BTN3A3: variants seen among roughly 807,000 people sequenced by gnomAD.
The protein encoded by BTN3A3 is butyrophilin subfamily 3 member A3.
A neutral mutation model predicts 43.2 loss-of-function variants in BTN3A3; 39 were observed. That is an observed-to-expected ratio of 0.90 (90% CI 0.70 to 1.18). The LOEUF (loss-of-function observed/expected upper bound fraction) is 1.18, where lower values mean the gene tolerates loss of function less well. Among genes scored for constraint, BTN3A3 ranks in the 50% most tolerant of loss-of-function variants. The probability of loss-of-function intolerance (pLI) is 0.00; values close to 1 mark genes in which losing one functional copy is unlikely to be tolerated. For synonymous variants in BTN3A3, 255 were observed against 272.7 expected (o/e 0.93, Z 0.64); for missense variants, 631 against 722.8 (o/e 0.87, Z 1.46).
chr6:26,441,354 C>T (rs902712897), intron 1 of BTN3A3, among the ~76,000 whole-genome samples: 2 of 152,262 alleles, frequency 1.3e-5, no homozygotes, highest in Non-Finnish European at 2.9e-5. Context: ...TTTCAATGGA[C>T]ACAATCTATT....
At chr6:26,446,727 T>G (rs1368445447) in intron 5 of BTN3A3, among the ~76,000 whole-genome samples, 1 of 152,148 alleles carries the variant, frequency 6.6e-6, no homozygotes, top group Non-Finnish European at 1.5e-5. Flanking sequence ...TTTTTTTGTT[T>G]GTTTGTTTGT....
rs757218314 is a variant in BTN3A3, at chr6:26,448,804, C to G, written c.964+50C>G. On this transcript the variant is annotated intron_variant, in intron 8 of 10. Transcript: ENST00000244519. ...GAATTTGAATCTTGAATCTATGACTCTCTTCTGCTTGGAAATTTTCCAGCC... is the reference window on the plus strand; with the variant it reads ...GAATTTGAATCTTGAATCTATGACTGTCTTCTGCTTGGAAATTTTCCAGCC... 7 of 1,609,824 alleles carry G rather than the reference C, an allele frequency of 4.3e-6. No homozygotes were observed. In the South Asian group the frequency reaches 5.5e-5, roughly 13 times the overall value.
intron 5 of BTN3A3, 24 bp downstream of exon 5, chr6:26,446,009 C>A (rs1450072808): frequency 3.1e-6 from 5 of 1,612,278 alleles, no homozygotes; most frequent in Non-Finnish European, 4.2e-6. Flanking sequence ...TTGGCCTCAG[C>A]TTTACTGAGC....
At chr6:26,442,945 G>A (rs1000446575) in intron 1 of BTN3A3, among the ~76,000 whole-genome samples, 1 of 152,202 alleles carries the variant, frequency 6.6e-6, no homozygotes, top group African/African-American at 2.4e-5. Flanking sequence ...CACCCATTGT[G>A]GGTGCTCAGT....
chr6:26,444,860 G>T, intron 4 of BTN3A3: 1 of 192,354 alleles, frequency 5.2e-6, no homozygotes, highest in Non-Finnish European at 1.1e-5. Flanking sequence ...TTGGGCTTGT[G>T]TTAGGGGATT....
At chr6:26,450,279 G>T in intron 10 of BTN3A3, 146 bp downstream of exon 10, 2 of 979,628 alleles carry the variant, frequency 2.0e-6, no homozygotes, top group Non-Finnish European at 3.1e-6. Context: ...AATCTGAAAA[G>T]TGGGCCCATC....
chr6:26,445,507 G>A, intron 4 of BTN3A3, 197 bp from the exon 5 acceptor site: 1 of 646,426 alleles, frequency 1.5e-6, no homozygotes. Flanking sequence ...GGGTGGATGG[G>A]AATAGCCCCA....
chr6:26,450,335 C>T, intron 10 of BTN3A3: 1 of 598,246 alleles, frequency 1.7e-6, no homozygotes. Flanking sequence ...GGGAGAATTG[C>T]TCTCTTGGGC....
At chr6:26,447,945 T>C (rs1021168302) in intron 5 of BTN3A3, among the ~76,000 whole-genome samples, 2 of 152,248 alleles carry the variant, frequency 1.3e-5, no homozygotes, top group Non-Finnish European at 1.5e-5. Context: ...ACATGAAGTT[T>C]TTGAACCATG....
At position 26,444,173 on chromosome 6, in the gene BTN3A3, G is replaced by A. The variant is rs754679911; in HGVS notation, c.302G>A (p.Arg101Gln). ...TATCGAGGGAGAACTTCGATTCTGC[G>A]GGATGGCATCACTGCAGGGAAGGCT... Reference protein sequence around the residue: ...APYRGRTSILRDGITAGKAAL... With the variant: ...APYRGRTSILQDGITAGKAAL... Residue 101 changes from arginine to glutamine, a missense_variant, in exon 4 of 11, where the codon CGG becomes CAG. This residue lies in a region of BTN3A3 where 80 missense variants were observed against 138.7 expected (regional missense o/e 0.58). Coordinates refer to ENST00000244519, the MANE Select transcript of BTN3A3 (RefSeq NM_006994.5). The A allele has an allele frequency of 4.4e-5, 71 of 1,611,898 alleles. No individual in the cohort carries two copies. The highest frequency in any genetic ancestry group is 6.7e-5 in the East Asian group (3 of 44,898).
chr6:26,445,559 C>A lies in BTN3A3; in HGVS notation c.434-145C>A, dbSNP rs9942500. 3.7e-6 allele frequency: 4 copies of A among 1,079,466 alleles called. No homozygotes were observed. In the African/African-American group the frequency reaches 6.4e-5, roughly 17 times the overall value. 66.9% of individuals were successfully genotyped at this position (1,079,466 alleles called of 1,614,324 possible). The stretch of plus-strand genomic sequence containing the variant: ...ATACTGCACTAGCCCATTTAGTTTT[C>A]TTTTCATCATGACCACACTTGTGTA... On this transcript the variant is annotated intron_variant, in intron 4 of 10. Coordinates refer to ENST00000244519, the MANE Select transcript of BTN3A3 (RefSeq NM_006994.5).
chr6:26,443,999 T>C lies in BTN3A3; in HGVS notation c.128T>C (p.Met43Thr). 3 of 1,613,914 alleles carry C rather than the reference T, an allele frequency of 1.9e-6. No individual in the cohort carries two copies. Among genetic ancestry groups the C allele is most frequent in the Non-Finnish European group, 2.5e-6 (3 of 1,179,832 alleles). ...GGACCCTCTGGGCCCATCCTGGCCA[T>C]GGTGGGTGAAGACGCTGATCTGCCC... Reference protein sequence around the residue: ...VLGPSGPILAMVGEDADLPCH... With the variant: ...VLGPSGPILATVGEDADLPCH... Residue 43 changes from methionine to threonine, a missense_variant, in exon 4 of 11, where the codon ATG (methionine) becomes ACG (threonine). This residue lies in a region of BTN3A3 where 80 missense variants were observed against 138.7 expected (regional missense o/e 0.58). Transcript: ENST00000244519.
In BTN3A3 at chr6:26,451,804, G is replaced by T; in HGVS notation, c.1148G>T (p.Cys383Phe). Reference sequence around the variant, plus strand: ...CCTGAGAGATTTGAATGGCGTTACTGTGTCCTTGGCTGTGAAAACTTCACA... The same window carrying T: ...CCTGAGAGATTTGAATGGCGTTACTTTGTCCTTGGCTGTGAAAACTTCACA... The part of the protein sequence containing the change: ...DNPERFEWRY[C>F]VLGCENFTSG... Residue 383 changes from cysteine (C) to phenylalanine (F), a missense_variant, in exon 11 of 11, where the codon TGT becomes TTT. Around this residue, in one of 2 missense-constraint regions of BTN3A3, gnomAD observed 551 missense variants for 584.0 expected, o/e 0.94. Coordinates refer to ENST00000244519, the MANE Select transcript of BTN3A3 (RefSeq NM_006994.5). 3 of 1,614,080 alleles carry T rather than the reference G, an allele frequency of 1.9e-6. No individual in the cohort carries two copies. Among genetic ancestry groups the T allele is most frequent in the Non-Finnish European group, 2.5e-6 (3 of 1,179,918 alleles).
At position 26,452,371 on chromosome 6, in the gene BTN3A3, A is replaced by G. The variant is rs761767596; in HGVS notation, c.1715A>G (p.Gln572Arg). 5.6e-6 allele frequency: 9 copies of G among 1,607,700 alleles called. No homozygotes were observed. Among genetic ancestry groups the G allele is most frequent in the Non-Finnish European group, 7.6e-6 (9 of 1,179,948 alleles). The change falls in exon 11 of 11, where the codon CAG (glutamine) becomes CGG (arginine). Residue 572 changes from glutamine to arginine, a missense_variant. Physicochemically the swap from Gln to Arg is conservative, Grantham distance 43. This residue lies in a region of BTN3A3 where 551 missense variants were observed against 584.0 expected (regional missense o/e 0.94). Transcript: ENST00000244519. Reference protein sequence around the residue: ...AEVSPSATTNQNHKLQARTEA... With the variant: ...AEVSPSATTNRNHKLQARTEA... Reference sequence around the variant, plus strand: ...GTCTCCCCTTCTGCAACAACCAATCAGAACCATAAGCTACAGGCACGCACT... The same window carrying G: ...GTCTCCCCTTCTGCAACAACCAATCGGAACCATAAGCTACAGGCACGCACT...
intron 1 of BTN3A3, among the ~76,000 whole-genome samples, chr6:26,442,418 A>T (rs553065597): frequency 6.6e-6 from 1 of 152,238 alleles, no homozygotes; most frequent in Non-Finnish European, 1.5e-5. Context: ...TTTAGCATGC[A>T]TCTTTTTAGA....
chr6:26,451,805 T>A lies in BTN3A3; in HGVS notation c.1149T>A (p.Cys383Ter). 6.2e-7 allele frequency: 1 copy of A among 1,614,018 alleles called. No homozygotes were observed. The highest frequency in any genetic ancestry group is 1.1e-5 in the South Asian group (1 of 91,078). Residue 383 changes from cysteine to a stop codon, truncating the protein, a stop_gained, in exon 11 of 11, where the codon TGT (cysteine) becomes TGA (stop). Transcript: ENST00000244519. LOFTEE classifies it low-confidence loss of function (END_TRUNC). ...DNPERFEWRY[C>*]VLGCENFTSG... ...CTGAGAGATTTGAATGGCGTTACTG[T>A]GTCCTTGGCTGTGAAAACTTCACAT...
In BTN3A3 at chr6:26,448,596, C is replaced by A. The variant is rs76558307; in HGVS notation, c.917-21C>A. On this transcript the variant is annotated intron_variant, in intron 6 of 10. Transcript: ENST00000244519. ...CCCATAACTGTTCTTTTTTTCTTTT[C>A]TTTTTTTGCTTATTTTCCAGAGAAG... 0.04 allele frequency: 64,673 copies of A among 1,613,084 alleles called. 1,464 individuals are homozygous for A. Among genetic ancestry groups the A allele is most frequent in the South Asian group, 0.058 (5,311 of 91,012 alleles).
In BTN3A3 at chr6:26,452,219, C is replaced by A; in HGVS notation, c.1563C>A (p.Ser521=). 1 of 1,614,122 alleles carries A rather than the reference C, an allele frequency of 6.2e-7. No homozygotes were observed. Among genetic ancestry groups the A allele is most frequent in the Non-Finnish European group, 8.5e-7 (1 of 1,180,010 alleles). ...CAATACCAAAAGAAGTAGAGAGTTCCCCCGATCCTGACCTAGTGCCTGATC... is the reference window on the plus strand; with the variant it reads ...CAATACCAAAAGAAGTAGAGAGTTCACCCGATCCTGACCTAGTGCCTGATC... ...ICPIPKEVES[S]PDPDLVPDHS... is the part of the protein sequence containing the mutation. Residue 521 remains serine (S), a synonymous_variant, in exon 11 of 11, where the codon TCC becomes TCA. Coordinates refer to ENST00000244519, the MANE Select transcript of BTN3A3 (RefSeq NM_006994.5).
chr6:26,451,585 T>G, intron 10 of BTN3A3, 90 bp from the exon 11 acceptor site: 1 of 1,517,330 alleles, frequency 6.6e-7, no homozygotes, highest in Non-Finnish European at 8.8e-7. Flanking sequence ...TGGAAGGACC[T>G]CCTTAGCATG....
Sources: allele counts gnomAD v4.1 joint callset (sites outside exome capture counted in the v4.1 genomes callset), GRCh38; gene constraint gnomAD v4.1.1; regional missense constraint gnomAD v4.1.1; transcripts MANE v1.5; gene names NCBI Gene and HGNC (gene_info 2026-07-23, HGNC 2026-07-21).